Variants in COMMD10 observed in about 807,000 individuals in gnomAD.
COMMD10 encodes the protein COMM domain-containing protein 10.
A neutral mutation model predicts 28.9 loss-of-function variants in COMMD10; 33 were observed. That is an observed-to-expected ratio of 1.14 (90% confidence interval 0.87 to 1.53). The LOEUF (loss-of-function observed/expected upper bound fraction) is 1.53, where lower values mean the gene tolerates loss of function less well. COMMD10 is among the 40% of genes most tolerant of loss of function. The pLI, the probability that COMMD10 is intolerant of heterozygous loss-of-function variation, is 0.00. For missense variants in COMMD10, 310 were observed against 233.4 expected, an observed-to-expected ratio of 1.33 and a Z score of -2.14; for synonymous variants, 110 against 81.7, an observed-to-expected ratio of 1.35 and a Z score of -1.87.
chr5:116,121,031 G>A (rs1056798686), intron 4 of COMMD10, among the ~76,000 whole-genome samples: 5 of 151,906 alleles, frequency 3.3e-5, no homozygotes, highest in East Asian at 1.9e-4. Flanking sequence ...TATGCACAAC[G>A]TGCAGGTTTG....
intron 5 of COMMD10, among the ~76,000 whole-genome samples, chr5:116,138,520 T>TAC (rs1752101088): frequency 1.3e-5 from 2 of 151,752 alleles, no homozygotes; most frequent in Non-Finnish European, 3.0e-5. Flanking sequence ...CTTAGTACAT[T>TAC]TTTTTCCCCA....
chr5:116,228,638 C>A (rs1043341000), intron 5 of COMMD10, among the ~76,000 whole-genome samples: 17 of 151,852 alleles, frequency 1.1e-4, no homozygotes, highest in Admixed American at 1.1e-3. Context: ...TGAATGAATG[C>A]TTTTGTGGTT....
chr5:116,241,808 G>A (rs1335472725), intron 5 of COMMD10, among the ~76,000 whole-genome samples: 1 of 151,080 alleles, frequency 6.6e-6, no homozygotes, highest in African/African-American at 2.4e-5. Context: ...TAGTAGAGAC[G>A]GGATTTCACC....
At chr5:116,169,101 C>T (rs949287542) in intron 5 of COMMD10, among the ~76,000 whole-genome samples, 1 of 151,976 alleles carries the variant, frequency 6.6e-6, no homozygotes, top group African/African-American at 2.4e-5. Context: ...AGACCTCTAG[C>T]CACACTAATA....
intron 5 of COMMD10, among the ~76,000 whole-genome samples, chr5:116,270,721 G>C (rs1453392391): frequency 6.6e-6 from 1 of 151,688 alleles, no homozygotes; most frequent in Non-Finnish European, 1.5e-5. Context: ...TGGATCAGCT[G>C]AGGTCAGGAG....
intron 5 of COMMD10, among the ~76,000 whole-genome samples, chr5:116,276,058 T>C (rs1367216001): frequency 6.6e-6 from 1 of 151,238 alleles, no homozygotes; most frequent in Non-Finnish European, 1.5e-5. Context: ...CAGGTATTCT[T>C]ACTGTGCTGT....
intron 5 of COMMD10, among the ~76,000 whole-genome samples, chr5:116,273,727 C>T (rs17139333): frequency 3.3e-5 from 5 of 151,432 alleles, no homozygotes; most frequent in Admixed American, 6.6e-5. Context: ...TGTTTCTGAT[C>T]TAAGCCTTTG....
intron 5 of COMMD10, among the ~76,000 whole-genome samples, chr5:116,212,392 C>G (rs954131812): frequency 6.6e-6 from 1 of 151,902 alleles, no homozygotes; most frequent in African/African-American, 2.4e-5. Context: ...GGTAGTCCTT[C>G]TGTATTGGGG....
intron 5 of COMMD10, among the ~76,000 whole-genome samples, chr5:116,151,229 A>G (rs1209758417): frequency 6.6e-6 from 1 of 151,564 alleles, no homozygotes; most frequent in East Asian, 1.9e-4. Context: ...ATGGTGGATA[A>G]GCTTTTTGAT....
At chr5:116,170,608 A>C (rs1287604889) in intron 5 of COMMD10, among the ~76,000 whole-genome samples, 1 of 152,218 alleles carries the variant, frequency 6.6e-6, no homozygotes. Flanking sequence ...ACAGTAACCA[A>C]AACAGCATGG....
intron 5 of COMMD10, among the ~76,000 whole-genome samples, chr5:116,240,955 G>T (rs1749792560): frequency 6.6e-6 from 1 of 152,104 alleles, no homozygotes; most frequent in African/African-American, 2.4e-5. Context: ...TTAATCTGAG[G>T]TAGATCCATT....
At chr5:116,091,594 G>C (rs1364548887) in intron 3 of COMMD10, among the ~76,000 whole-genome samples, 2 of 152,050 alleles carry the variant, frequency 1.3e-5, no homozygotes, top group Admixed American at 6.6e-5. Context: ...CCTGATTTAA[G>C]CTCCTATTCA....
chr5:116,220,448 G>A (rs371984341), intron 5 of COMMD10, among the ~76,000 whole-genome samples: 18 of 152,004 alleles, frequency 1.2e-4, no homozygotes, highest in African/African-American at 4.1e-4. Context: ...CTTTGGAAGA[G>A]GTGAACATCG....
intron 5 of COMMD10, among the ~76,000 whole-genome samples, chr5:116,200,761 T>G (rs917408710): frequency 6.6e-6 from 1 of 152,100 alleles, no homozygotes; most frequent in African/African-American, 2.4e-5. Flanking sequence ...TTCTTTTGGT[T>G]ATTTCTTAGA....
intron 5 of COMMD10, among the ~76,000 whole-genome samples, chr5:116,179,316 A>T (rs1747864597): frequency 6.6e-6 from 1 of 152,176 alleles, no homozygotes; most frequent in Admixed American, 6.6e-5. Context: ...CATTTTATTG[A>T]CGAGGAAACA....
chr5:116,088,529 G>T (rs1419642113), intron 2 of COMMD10, among the ~76,000 whole-genome samples: 1 of 152,164 alleles, frequency 6.6e-6, no homozygotes, highest in African/African-American at 2.4e-5. Context: ...ATGGAGAAAA[G>T]TTAGAAATCC....
At chr5:116,199,865 G>C (rs1300578522) in intron 5 of COMMD10, among the ~76,000 whole-genome samples, 1 of 152,114 alleles carries the variant, frequency 6.6e-6, no homozygotes, top group Non-Finnish European at 1.5e-5. Context: ...CAGGTATGTA[G>C]CACCATGCCT....
At chr5:116,160,743 A>T (rs1176970973) in intron 5 of COMMD10, among the ~76,000 whole-genome samples, 1 of 152,166 alleles carries the variant, frequency 6.6e-6, no homozygotes. Flanking sequence ...AAATTTCAGA[A>T]ATCTCATGGC....
chr5:116,276,402 A>C (rs1300619102), intron 5 of COMMD10, among the ~76,000 whole-genome samples: 1 of 151,442 alleles, frequency 6.6e-6, no homozygotes, highest in Non-Finnish European at 1.5e-5. Context: ...ACACCTGGCT[A>C]ATTTTTGTAT....
Sources: gnomAD v4.1 joint callset for allele counts (sites outside exome capture counted in the v4.1 genomes callset) on GRCh38, gnomAD v4.1.1 for gene constraint, MANE v1.5 for transcripts, NCBI Gene and HGNC (gene_info 2026-07-23, HGNC 2026-07-21) for gene names.